ARHGAP31: variants seen among roughly 807,000 people sequenced by gnomAD.
ARHGAP31 encodes the protein rho GTPase-activating protein 31.
In ARHGAP31, 34 loss-of-function variants were observed where a neutral mutation model predicts 113.9. That is an observed-to-expected ratio of 0.30 (90% CI 0.23 to 0.40). The LOEUF is 0.40. Ranked by LOEUF, ARHGAP31 falls within the 10% of genes least tolerant of loss-of-function variation. ARHGAP31 has a pLI of 1.00. For missense variants in ARHGAP31, 1,548 were observed against 1,767.1 expected (o/e 0.88, Z 2.22); for synonymous variants, 650 against 684.8 (o/e 0.95, Z 0.79).
Position 119,362,183 on chromosome 3 carries a change from A to C in ARHGAP31, c.101-3133A>C, listed in dbSNP as rs75528331. ...GAGTGTTCTTTATCAAGGTCCTTAGAGTCCAAGGCTTTTGTGCTTGAGTCC... is the reference window on the plus strand; with the variant it reads ...GAGTGTTCTTTATCAAGGTCCTTAGCGTCCAAGGCTTTTGTGCTTGAGTCC... On this transcript the variant is annotated intron_variant, in intron 1 of 11. Transcript: ENST00000264245. Among the ~76,000 whole-genome samples the C allele has an allele frequency of 8.2e-3, 1,252 of 152,282 alleles. 38 individuals are homozygous for C. In the East Asian group the frequency reaches 0.11, roughly 13 times the overall value.
intron 1 of ARHGAP31, among the ~76,000 whole-genome samples, chr3:119,337,089 T>C (rs1212608945): frequency 1.3e-5 from 2 of 152,208 alleles, no homozygotes; most frequent in Admixed American, 6.5e-5. Context: ...TTTTTGGCTG[T>C]TGTGAATAAT....
At chr3:119,314,018 C>A (rs2079706860) in intron 1 of ARHGAP31, among the ~76,000 whole-genome samples, 1 of 152,230 alleles carries the variant, frequency 6.6e-6, no homozygotes, top group Admixed American at 6.5e-5. Flanking sequence ...TCCATCAACA[C>A]CAACAAGGTT....
chr3:119,337,010 A>C (rs1373539519), intron 1 of ARHGAP31, among the ~76,000 whole-genome samples: 2 of 152,230 alleles, frequency 1.3e-5, no homozygotes. Context: ...TTACCTAATA[A>C]TATTCTATTC....
At chr3:119,401,723 C>G in intron 9 of ARHGAP31, 99 bp from the exon 10 acceptor site, 1 of 1,109,750 alleles carries the variant, frequency 9.0e-7, no homozygotes, top group Non-Finnish European at 1.4e-6. Context: ...AATGCTGTGC[C>G]TCTCTAGTAT....
intron 1 of ARHGAP31, among the ~76,000 whole-genome samples, chr3:119,297,200 T>G (rs2079541240): frequency 6.6e-6 from 1 of 152,262 alleles, no homozygotes; most frequent in Admixed American, 6.5e-5. Flanking sequence ...GGTTTTTTTC[T>G]GTGTATTTGT....
intron 1 of ARHGAP31, among the ~76,000 whole-genome samples, chr3:119,298,209 C>A (rs1336010242): frequency 6.6e-6 from 1 of 152,298 alleles, no homozygotes; most frequent in South Asian, 2.1e-4. Context: ...CTGCCCCCAA[C>A]CCCCAGCTCT....
rs186582218 is a variant in ARHGAP31, at chr3:119,418,588, A to G, written c.*2324A>G. The G allele has an allele frequency of 6.6e-6, 1 of 152,242 alleles. No individual in the cohort carries two copies. Among genetic ancestry groups the G allele is most frequent in the Non-Finnish European group, 1.5e-5 (1 of 68,046 alleles). The allele number at this position is 152,242 out of a possible 1,614,324, so 9.4% of individuals were successfully genotyped here. On this transcript the variant is annotated 3_prime_UTR_variant, in exon 12 of 12. Transcript: ENST00000264245. ...AAATGTTTGTTTGGTAACATTTATA[A>G]GATCTATTTTTATTTGGGGATAGAC...
At chr3:119,393,155 G>A (rs2080519896) in intron 7 of ARHGAP31, among the ~76,000 whole-genome samples, 1 of 152,288 alleles carries the variant, frequency 6.6e-6, no homozygotes, top group African/African-American at 2.4e-5. Flanking sequence ...AGAATTGTGT[G>A]TTTGCTTGTG....
At chr3:119,411,071 G>C (rs544052256) in intron 11 of ARHGAP31, among the ~76,000 whole-genome samples, 1 of 152,322 alleles carries the variant, frequency 6.6e-6, no homozygotes, top group South Asian at 2.1e-4. Context: ...GATGTGCCAT[G>C]AATCCAAGGT....
At chr3:119,402,431 A>G (rs2080620654) in intron 10 of ARHGAP31, 34 bp downstream of exon 10, 2 of 1,601,378 alleles carry the variant, frequency 1.2e-6, no homozygotes, top group East Asian at 2.2e-5. Context: ...TTTCCGTTGC[A>G]AGAGAGAAAA....
Position 119,415,632 on chromosome 3 carries a change from G to A in ARHGAP31, c.3703G>A (p.Gly1235Arg), listed in dbSNP as rs771675917. The change falls in exon 12 of 12, where the codon GGA (glycine) becomes AGA (arginine). Residue 1235 changes from glycine (G) to arginine (R), a missense_variant. Transcript: ENST00000264245. ...GVQPLERSQE[G>R]PSSTSGTTQK... ...TCAGCCTCTGGAGAGGAGCCAGGAGGGACCCAGCTCAACCAGTGGGACCAC... is the reference window on the plus strand; with the variant it reads ...TCAGCCTCTGGAGAGGAGCCAGGAGAGACCCAGCTCAACCAGTGGGACCAC... The A allele has an allele frequency of 1.2e-6, 2 of 1,614,152 alleles. No homozygotes were observed. The highest frequency in any genetic ancestry group is 2.2e-5 in the South Asian group (2 of 91,082).
At chr3:119,411,643 T>A (rs2080717459) in intron 11 of ARHGAP31, among the ~76,000 whole-genome samples, 1 of 152,156 alleles carries the variant, frequency 6.6e-6, no homozygotes, top group African/African-American at 2.4e-5. Context: ...AGTAAAGAGA[T>A]GAAGCTGTCC....
At chr3:119,365,458 T>G in intron 2 of ARHGAP31, 40 bp downstream of exon 2, 1 of 1,543,022 alleles carries the variant, frequency 6.5e-7, no homozygotes, top group Non-Finnish European at 8.9e-7. Context: ...TCTCCCATGA[T>G]TCCTCCTGTG....
chr3:119,352,926 T>G (rs2080122541), intron 1 of ARHGAP31, among the ~76,000 whole-genome samples: 1 of 152,228 alleles, frequency 6.6e-6, no homozygotes, highest in African/African-American at 2.4e-5. Flanking sequence ...CCACATTATT[T>G]CTTGCCTTTC....
chr3:119,297,982 C>T (rs1053132919), intron 1 of ARHGAP31, among the ~76,000 whole-genome samples: 2 of 151,682 alleles, frequency 1.3e-5, no homozygotes, highest in African/African-American at 4.9e-5. Context: ...ACATAGATGC[C>T]AATTTCAGAC....
At chr3:119,311,138 T>C (rs946658245) in intron 1 of ARHGAP31, among the ~76,000 whole-genome samples, 2 of 152,240 alleles carry the variant, frequency 1.3e-5, no homozygotes, top group Non-Finnish European at 2.9e-5. Context: ...CCAGTGTTTC[T>C]GCCCTAGAGT....
chr3:119,379,658 G>C (rs908368898), intron 3 of ARHGAP31, among the ~76,000 whole-genome samples: 3 of 152,014 alleles, frequency 2.0e-5, no homozygotes, highest in African/African-American at 4.8e-5. Context: ...TTCCAGCACT[G>C]GTAGGAAATA....
intron 6 of ARHGAP31, among the ~76,000 whole-genome samples, chr3:119,389,269 G>C (rs2080482707): frequency 1.3e-5 from 2 of 152,180 alleles, no homozygotes; most frequent in Admixed American, 6.5e-5. Flanking sequence ...GCTGACAGGA[G>C]AGGTGGGCAC....
At chr3:119,338,761 C>A (rs969031462) in intron 1 of ARHGAP31, among the ~76,000 whole-genome samples, 24 of 152,094 alleles carry the variant, frequency 1.6e-4, no homozygotes, top group Non-Finnish European at 2.8e-4. Flanking sequence ...GCTGTTATTG[C>A]ATTATACACT....
Sources: gnomAD v4.1 joint callset for allele counts (sites outside exome capture counted in the v4.1 genomes callset) on GRCh38, gnomAD v4.1.1 for gene constraint, MANE v1.5 for transcripts, NCBI Gene and HGNC (gene_info 2026-07-23, HGNC 2026-07-21) for gene names.